The following TMEM132B variants were observed in gnomAD, a reference collection of about 807,000 sequenced individuals.
TMEM132B encodes the protein transmembrane protein 132B.
In TMEM132B, 18 loss-of-function variants were observed where a neutral mutation model predicts 90.8. The observed-to-expected ratio is 0.20, with a 90% confidence interval of 0.14 to 0.29. TMEM132B has a LOEUF of 0.29. Among genes scored for constraint, TMEM132B ranks in the 10% least tolerant of loss-of-function variants. The probability of loss-of-function intolerance (pLI) is 1.00; values close to 1 mark genes in which losing one functional copy is unlikely to be tolerated. For missense variants in TMEM132B, 1,096 were observed against 1,326.8 expected (o/e 0.83, Z 2.70); for synonymous variants, 504 against 523.3 (o/e 0.96, Z 0.50).
intron 4 of TMEM132B, 21 bp from the exon 5 acceptor site, chr12:125,583,830 G>C: frequency 6.2e-7 from 1 of 1,613,232 alleles, no homozygotes; most frequent in Non-Finnish European, 8.5e-7. Context: ...GCTGATCTGA[G>C]CCCTCTCCTC....
intron 5 of TMEM132B, among the ~76,000 whole-genome samples, chr12:125,608,390 T>C (rs1235287367): frequency 6.6e-6 from 1 of 152,222 alleles, no homozygotes; most frequent in African/African-American, 2.4e-5. Flanking sequence ...AAAATGTCTA[T>C]TGAGGTCCTT....
At chr12:125,438,733 G>A (rs1452385730) in intron 3 of TMEM132B, among the ~76,000 whole-genome samples, 1 of 151,846 alleles carries the variant, frequency 6.6e-6, no homozygotes, top group Admixed American at 6.6e-5. Flanking sequence ...TCTTATGAAT[G>A]TTTATATAAT....
chr12:125,565,539 A>G (rs375833738), intron 4 of TMEM132B, among the ~76,000 whole-genome samples: 3 of 152,198 alleles, frequency 2.0e-5, no homozygotes, highest in Non-Finnish European at 4.4e-5. Context: ...CAGGTCACAC[A>G]TGGACTTGAA....
intron 5 of TMEM132B, among the ~76,000 whole-genome samples, 174 bp from the exon 6 acceptor site, chr12:125,643,902 A>C (rs958109227): frequency 6.6e-6 from 1 of 152,204 alleles, no homozygotes; most frequent in Non-Finnish European, 1.5e-5. Context: ...TCTATTTGTC[A>C]GTGTTTGTCA....
chr12:125,262,041 A>G (rs1161696480), intron 1 of TMEM132B, among the ~76,000 whole-genome samples: 2 of 152,152 alleles, frequency 1.3e-5, no homozygotes, highest in African/African-American at 2.4e-5. Context: ...AACCAGCACA[A>G]CAAACCAGTA....
In TMEM132B at chr12:125,408,039, C is replaced by T. The variant is rs1043375560; in HGVS notation, c.960-7492C>T. On this transcript the variant is annotated intron_variant, in intron 2 of 8. Coordinates refer to ENST00000682704, the MANE Select transcript of TMEM132B (RefSeq NM_001366854.1). The surrounding 1 kb of genome is among the most constrained non-coding windows in gnomAD (Gnocchi z 5.9). ...CCAGCAGGACTCCACTCAGTGACTG[C>T]CTCTACCACAGGGCGGCCACTGTGC... Among the ~76,000 whole-genome samples the T allele has an allele frequency of 1.3e-5, 2 of 152,196 alleles. No homozygotes were observed. Among genetic ancestry groups the T allele is most frequent in the Non-Finnish European group, 2.9e-5 (2 of 68,030 alleles).
At position 125,350,110 on chromosome 12, in the gene TMEM132B, G is replaced by A. The variant is rs373294191; in HGVS notation, c.726G>A (p.Lys242=). 9 of 1,614,128 alleles carry A rather than the reference G, an allele frequency of 5.6e-6. No individual in the cohort carries two copies. Among genetic ancestry groups the A allele is most frequent in the South Asian group, 3.3e-5 (3 of 91,086 alleles). The part of the protein sequence containing the change: ...AGQCPLEEEG[K]WENNIHSGLE... ...AGTGTCCTCTGGAGGAGGAAGGCAA[G>A]TGGGAGAACAATATCCACTCGGGCC... The change falls in exon 2 of 9, where the codon AAG becomes AAA. Residue 242 remains lysine (K), a synonymous_variant. Coordinates refer to ENST00000682704, the MANE Select transcript of TMEM132B (RefSeq NM_001366854.1).
intron 3 of TMEM132B, among the ~76,000 whole-genome samples, chr12:125,464,194 C>T (rs1566044182): frequency 6.6e-6 from 1 of 152,156 alleles, no homozygotes; most frequent in Non-Finnish European, 1.5e-5. Context: ...AGCAACTGAA[C>T]TCTCTCTCAG....
At chr12:125,521,917 G>A (rs989485926) in intron 4 of TMEM132B, among the ~76,000 whole-genome samples, 1 of 152,194 alleles carries the variant, frequency 6.6e-6, no homozygotes, top group Non-Finnish European at 1.5e-5. Context: ...TCAGAGGAGG[G>A]CCAGGAACTG....
chr12:125,304,296 C>A (rs1335637177), intron 1 of TMEM132B, among the ~76,000 whole-genome samples: 1 of 152,222 alleles, frequency 6.6e-6, no homozygotes, highest in Non-Finnish European at 1.5e-5. Flanking sequence ...AAACAGGTCA[C>A]GGACTGGTAC....
intron 1 of TMEM132B, among the ~76,000 whole-genome samples, chr12:125,258,395 C>T (rs1047712790): frequency 2.0e-5 from 3 of 152,162 alleles, no homozygotes; most frequent in Non-Finnish European, 4.4e-5. Context: ...GACTCAATAG[C>T]TAGGGGCAGG....
chr12:125,317,126 G>C (rs1876302698), intron 1 of TMEM132B, among the ~76,000 whole-genome samples: 2 of 152,088 alleles, frequency 1.3e-5, no homozygotes, highest in Admixed American at 1.3e-4. Context: ...CATCAGCCTG[G>C]CAGAGACTCC....
At chr12:125,256,200 C>T (rs1162066303) in intron 1 of TMEM132B, among the ~76,000 whole-genome samples, 2 of 152,098 alleles carry the variant, frequency 1.3e-5, no homozygotes, top group East Asian at 1.9e-4. Flanking sequence ...CTCTGACAGC[C>T]GTGCTGGAAA....
intron 1 of TMEM132B, among the ~76,000 whole-genome samples, chr12:125,320,245 C>A (rs1876393087): frequency 6.6e-6 from 1 of 152,226 alleles, no homozygotes; most frequent in East Asian, 1.9e-4. Flanking sequence ...TTCATGCAGG[C>A]ACCAGAGAGA....
At position 125,620,554 on chromosome 12, in the gene TMEM132B, A is replaced by T. The variant is rs1430345277; in HGVS notation, c.1438-23522A>T. ...CAATGATAAAACAAACTAGTTTAAG[A>T]TCTGAAGACATGACAAAAGCTGTAA... On this transcript the variant is annotated intron_variant, in intron 5 of 8. Coordinates refer to ENST00000682704, the MANE Select transcript of TMEM132B (RefSeq NM_001366854.1). 2.0e-5 allele frequency among the ~76,000 whole-genome samples: 3 copies of T among 152,344 alleles called. No homozygotes were observed. In the East Asian group the frequency reaches 5.8e-4, roughly 29 times the overall value.
chr12:125,578,842 G>A (rs1436555040), intron 4 of TMEM132B, among the ~76,000 whole-genome samples: 1 of 151,898 alleles, frequency 6.6e-6, no homozygotes, highest in Non-Finnish European at 1.5e-5. Flanking sequence ...TATATAATGA[G>A]GTATTTTTGT....
chr12:125,326,589 T>C (rs1160892629), intron 1 of TMEM132B: 39 of 1,593,820 alleles, frequency 2.4e-5, no homozygotes, highest in Non-Finnish European at 3.1e-5. Flanking sequence ...GCTGAAGATT[T>C]GGTGCCCTCG....
intron 2 of TMEM132B, among the ~76,000 whole-genome samples, chr12:125,383,784 T>C (rs1878749374): frequency 6.6e-6 from 1 of 152,262 alleles, no homozygotes; most frequent in South Asian, 2.1e-4. Flanking sequence ...CCAAGCTAGA[T>C]AGGCGAAGGC....
chr12:125,641,174 C>A (rs1886621693), intron 5 of TMEM132B, among the ~76,000 whole-genome samples: 1 of 152,166 alleles, frequency 6.6e-6, no homozygotes, highest in Admixed American at 6.5e-5. Context: ...GACAAGAAGG[C>A]AGAGCGAGTA....
Sources: allele counts gnomAD v4.1 joint callset (sites outside exome capture counted in the v4.1 genomes callset), GRCh38; gene constraint gnomAD v4.1.1; non-coding constraint Gnocchi (gnomAD v3.1); transcripts MANE v1.5; gene names NCBI Gene and HGNC (gene_info 2026-07-23, HGNC 2026-07-21).